The following ASCC3 variants were observed in gnomAD, a reference collection of about 807,000 sequenced individuals.
ASCC3 encodes activating signal cointegrator 1 complex subunit 3.
A neutral mutation model predicts 256.3 loss-of-function variants in ASCC3; 158 were observed. The observed-to-expected ratio is 0.62, with a 90% CI of 0.54 to 0.70. The LOEUF is 0.70. Ranked by LOEUF, ASCC3 falls within the 30% of genes least tolerant of loss-of-function variation. The pLI, the probability that ASCC3 is intolerant of heterozygous loss-of-function variation, is 0.00. For synonymous variants in ASCC3, 948 were observed against 883.4 expected (o/e 1.07, Z -1.30); for missense variants, 2,259 against 2,626.0 (o/e 0.86, Z 3.05).
At chr6:100,581,191 C>G (rs1284489342) in intron 36 of ASCC3, among the ~76,000 whole-genome samples, 1 of 152,188 alleles carries the variant, frequency 6.6e-6, no homozygotes. Flanking sequence ...ACTTTACAGT[C>G]CCACCAACAG....
chr6:100,864,258 T>C lies in ASCC3; in HGVS notation c.91-44A>G, dbSNP rs1043070370. On this transcript the variant is annotated intron_variant, in intron 2 of 41. Transcript: ENST00000369162. ...TGTAGAAAAGTACTGCTTAAAGTTC[T>C]TCTCAACTCCAACGCTGATTACATA... 4 of 1,487,874 alleles carry C rather than the reference T, an allele frequency of 2.7e-6. No homozygotes were observed. The South Asian group carries it at 4.6e-5, about 17-fold the overall frequency. 92.2% of individuals were successfully genotyped at this position (1,487,874 alleles called of 1,614,324 possible). A position where few individuals can be genotyped will look rare whatever the true frequency, so the allele number is the denominator to read the frequency against.
intron 17 of ASCC3, among the ~76,000 whole-genome samples, chr6:100,653,964 G>A (rs547873452): frequency 6.6e-6 from 1 of 152,054 alleles, no homozygotes; most frequent in African/African-American, 2.4e-5. Context: ...CAATTAATGA[G>A]TTAACACTAC....
At chr6:100,606,692 C>G (rs2114806402) in intron 32 of ASCC3, 48 bp downstream of exon 32, 1 of 1,528,872 alleles carries the variant, frequency 6.5e-7, no homozygotes, top group Non-Finnish European at 8.8e-7. Flanking sequence ...CAAATTTACT[C>G]AGGGTAAAAT....
intron 10 of ASCC3, among the ~76,000 whole-genome samples, chr6:100,732,165 C>CA (rs386408063): frequency 0.49 from 51,191 of 105,124 alleles, 10,357 homozygotes; most frequent in Middle Eastern, 0.6. Context: ...CGTCTCAAAA[C>CA]AAAAAAAAAA....
intron 8 of ASCC3, among the ~76,000 whole-genome samples, chr6:100,780,704 G>A (rs1372447050): frequency 6.6e-6 from 1 of 152,134 alleles, no homozygotes; most frequent in African/African-American, 2.4e-5. Flanking sequence ...TCCTTGGTAA[G>A]CATAAAAACA....
intron 13 of ASCC3, among the ~76,000 whole-genome samples, chr6:100,700,568 G>A (rs191998282): frequency 3.2e-4 from 49 of 152,312 alleles, no homozygotes; most frequent in African/African-American, 1.0e-3. Context: ...ACACCAGCTC[G>A]TGAAAGCAGC....
At chr6:100,632,470 A>G (rs891902565) in intron 25 of ASCC3, among the ~76,000 whole-genome samples, 2 of 152,086 alleles carry the variant, frequency 1.3e-5, no homozygotes, top group African/African-American at 4.8e-5. Flanking sequence ...GAAAAAAAAA[A>G]TCCTAGAATT....
chr6:100,565,459 T>A (rs543308100), intron 36 of ASCC3, among the ~76,000 whole-genome samples: 3 of 152,088 alleles, frequency 2.0e-5, no homozygotes, highest in Admixed American at 2.0e-4. Flanking sequence ...AGTGGCTTTT[T>A]AAAAATAAAT....
At chr6:100,559,928 A>G (rs953067718) in intron 36 of ASCC3, among the ~76,000 whole-genome samples, 1 of 152,220 alleles carries the variant, frequency 6.6e-6, no homozygotes, top group Admixed American at 6.5e-5. Flanking sequence ...TCATTACTCA[A>G]AAAGATAAAC....
intron 8 of ASCC3, among the ~76,000 whole-genome samples, chr6:100,785,122 A>AAT (rs1769000441): frequency 6.6e-6 from 1 of 152,246 alleles, no homozygotes. Context: ...TTACGATAAA[A>AAT]ATATATTTTG....
chr6:100,651,121 TG>T (rs200773065), intron 19 of ASCC3, among the ~76,000 whole-genome samples: 4,198 of 151,976 alleles, frequency 0.028, 143 homozygotes, highest in Admixed American at 0.099. Flanking sequence ...TATTTTTATA[TG>T]GTATAATACA....
chr6:100,737,529 T>G (rs1780237828), intron 10 of ASCC3, among the ~76,000 whole-genome samples: 1 of 152,134 alleles, frequency 6.6e-6, no homozygotes, highest in Admixed American at 6.5e-5. Context: ...GGCTTCCAAC[T>G]CCATCCATGT....
chr6:100,549,128 G>A (rs1769164692), intron 36 of ASCC3, among the ~76,000 whole-genome samples: 1 of 151,862 alleles, frequency 6.6e-6, no homozygotes, highest in Non-Finnish European at 1.5e-5. Context: ...CAAATAAGGG[G>A]GGACTGCTGT....
At position 100,647,207 on chromosome 6, in the gene ASCC3, A is replaced by C. The variant is rs144956597; in HGVS notation, c.3478+19T>G. On this transcript the variant is annotated intron_variant, in intron 21 of 41. Transcript: ENST00000369162. ...TTTGCACAAAACAATACATTCAAAC[A>C]TATTTGCTTCCTTCTTACCTATTTC... 821 of 1,570,916 alleles carry C rather than the reference A, an allele frequency of 5.2e-4. 2 individuals carry two copies. The East Asian group carries it at 7.4e-3, about 14-fold the overall frequency.
intron 9 of ASCC3, among the ~76,000 whole-genome samples, 197 bp from the exon 10 acceptor site, chr6:100,766,902 T>G (rs1781683574): frequency 6.6e-6 from 1 of 152,230 alleles, no homozygotes; most frequent in African/African-American, 2.4e-5. Flanking sequence ...TAGAATTTGT[T>G]TACACAGCTA....
At chr6:100,589,921 A>G (rs777955614) in intron 35 of ASCC3, 27 bp downstream of exon 35, 1 of 1,599,740 alleles carries the variant, frequency 6.3e-7, no homozygotes, top group Non-Finnish European at 8.6e-7. Context: ...AATCTTTTCA[A>G]TTAGAATGCA....
intron 4 of ASCC3, among the ~76,000 whole-genome samples, chr6:100,839,363 T>G (rs932273253): frequency 1.3e-5 from 2 of 152,170 alleles, no homozygotes; most frequent in Non-Finnish European, 2.9e-5. Flanking sequence ...CAGAGTAGTA[T>G]GAAATTTGTC....
At chr6:100,761,342 C>T (rs1050317939) in intron 10 of ASCC3, among the ~76,000 whole-genome samples, 10 of 151,966 alleles carry the variant, frequency 6.6e-5, no homozygotes, top group African/African-American at 2.4e-4. Context: ...ATAACGATTA[C>T]CGGGATGTGG....
chr6:100,745,674 G>A (rs1440483518), intron 10 of ASCC3, among the ~76,000 whole-genome samples: 6 of 151,894 alleles, frequency 4.0e-5, no homozygotes, highest in Non-Finnish European at 8.8e-5. Context: ...ATCCAAGTTG[G>A]TAGCCACTGG....
Sources: allele counts gnomAD v4.1 joint callset (sites outside exome capture counted in the v4.1 genomes callset), GRCh38; gene constraint gnomAD v4.1.1; transcripts MANE v1.5; gene names NCBI Gene and HGNC (gene_info 2026-07-23, HGNC 2026-07-21).